The following GPR160 variants were observed in gnomAD, a reference collection of about 807,000 sequenced individuals.
The protein encoded by GPR160 is G protein-coupled receptor 160.
A neutral mutation model predicts 2.6 loss-of-function variants in GPR160; 2 were observed. That is an observed-to-expected ratio of 0.77 (90% CI 0.32 to 2.44). GPR160 has a LOEUF of 2.44. Among genes scored for constraint, GPR160 ranks in the 30% most tolerant of loss-of-function variants. The pLI is 0.11. For synonymous variants in GPR160, 130 were observed against 132.2 expected, an observed-to-expected ratio of 0.98 and a Z score of 0.12; for missense variants, 351 against 383.6, an observed-to-expected ratio of 0.91 and a Z score of 0.71.
intron 2 of GPR160, among the ~76,000 whole-genome samples, chr3:170,053,360 CTTATTT>C (rs1488991724): frequency 6.6e-6 from 1 of 151,850 alleles, no homozygotes; most frequent in African/African-American, 2.4e-5. Context: ...CAAATTTATT[CTTATTT>C]TATGTTTTTG....
chr3:170,081,434 T>C (rs1183610372), intron 3 of GPR160, among the ~76,000 whole-genome samples: 1 of 152,184 alleles, frequency 6.6e-6, no homozygotes, highest in Non-Finnish European at 1.5e-5. Flanking sequence ...GTTATGAAAA[T>C]AGATTTTGTA....
rs1347672827 is a variant in GPR160, at chr3:170,080,873, G to T, written c.-69+976G>T. On this transcript the variant is annotated intron_variant, in intron 3 of 3. Coordinates refer to ENST00000355897, the MANE Select transcript of GPR160 (RefSeq NM_014373.3). ...CCACCACCACACCCGAGTAATTTTT[G>T]TATTTTTTGTAGAGACTAGGTTTCA... is the stretch of plus-strand genomic sequence containing the variant. 3.3e-5 allele frequency among the ~76,000 whole-genome samples: 5 copies of T among 152,144 alleles called. No homozygotes were observed. In the East Asian group the frequency reaches 9.7e-4, roughly 29 times the overall value.
intron 2 of GPR160, among the ~76,000 whole-genome samples, chr3:170,061,441 T>C (rs574323734): frequency 6.6e-6 from 1 of 152,174 alleles, no homozygotes; most frequent in Non-Finnish European, 1.5e-5. Flanking sequence ...TTAGATACTA[T>C]ACCATTTAAT....
chr3:170,050,638 T>C (rs1716917037), intron 2 of GPR160, among the ~76,000 whole-genome samples: 1 of 152,204 alleles, frequency 6.6e-6, no homozygotes, highest in African/African-American at 2.4e-5. Flanking sequence ...TAGCCCCAGA[T>C]AGCCATTGAA....
chr3:170,054,788 ATTTCT>A (rs1220009002), intron 2 of GPR160, among the ~76,000 whole-genome samples: 1 of 149,396 alleles, frequency 6.7e-6, no homozygotes. Context: ...ATGTATCAGA[ATTTCT>A]TTTCTTTTTT....
chr3:170,061,419 A>G (rs1249642644), intron 2 of GPR160, among the ~76,000 whole-genome samples: 1 of 152,128 alleles, frequency 6.6e-6, no homozygotes, highest in African/African-American at 2.4e-5. Context: ...CAGTTTTAAT[A>G]TGGACTATGT....
chr3:170,084,706 TTGTC>T lies in GPR160; in HGVS notation c.738_741del (p.Cys247PhefsTer13), dbSNP rs773645860. 2 of 1,612,684 alleles carry T rather than the reference TTGTC, an allele frequency of 1.2e-6. No individual in the cohort carries two copies. The highest frequency in any genetic ancestry group is 1.1e-5 in the South Asian group (1 of 91,048). ...AAAAAAATATTCTTATCCAAGCTCA[TTGTC>T]TGTTTTCTCAGTACCTGGTTACCAT... On this transcript the variant is annotated frameshift_variant, in exon 4 of 4. Transcript: ENST00000355897. LOFTEE classifies it high-confidence loss of function.
intron 2 of GPR160, among the ~76,000 whole-genome samples, chr3:170,042,433 AAAAG>A (rs966601083): frequency 3.3e-5 from 5 of 150,978 alleles, no homozygotes; most frequent in Non-Finnish European, 5.9e-5. Context: ...AAAAAAAAAA[AAAAG>A]AAAGAAAGAA....
At chr3:170,045,220 G>A (rs990069543) in intron 2 of GPR160, among the ~76,000 whole-genome samples, 37 of 151,630 alleles carry the variant, frequency 2.4e-4, no homozygotes, top group African/African-American at 7.8e-4. Flanking sequence ...GTGTGTAAAC[G>A]GACATGGAAT....
At chr3:170,065,973 A>T (rs186185455) in intron 2 of GPR160, among the ~76,000 whole-genome samples, 1 of 151,594 alleles carries the variant, frequency 6.6e-6, no homozygotes, top group Admixed American at 6.6e-5. Flanking sequence ...CCCAGACTAT[A>T]CTCAAACTAC....
intron 2 of GPR160, among the ~76,000 whole-genome samples, chr3:170,045,774 T>A (rs1716694962): frequency 6.6e-6 from 1 of 152,176 alleles, no homozygotes; most frequent in Middle Eastern, 3.4e-3. Context: ...GTGGGTTAAT[T>A]GGTTATTAGC....
At chr3:170,076,607 A>G (rs1712862946) in intron 2 of GPR160, among the ~76,000 whole-genome samples, 1 of 151,740 alleles carries the variant, frequency 6.6e-6, no homozygotes. Flanking sequence ...GTAGTGGTGC[A>G]ATCTCGGCTC....
intron 2 of GPR160, among the ~76,000 whole-genome samples, chr3:170,041,440 T>C (rs1019106418): frequency 2.6e-5 from 4 of 151,898 alleles, no homozygotes; most frequent in African/African-American, 9.7e-5. Flanking sequence ...CAGCTGGGAC[T>C]ACAGGCGCCC....
intron 2 of GPR160, among the ~76,000 whole-genome samples, chr3:170,055,094 A>T (rs1711566844): frequency 6.6e-6 from 1 of 152,214 alleles, no homozygotes; most frequent in East Asian, 1.9e-4. Context: ...GTGCCCGGCC[A>T]GGATTTCATT....
intron 2 of GPR160, among the ~76,000 whole-genome samples, chr3:170,056,399 G>A (rs1404365646): frequency 6.6e-6 from 1 of 152,198 alleles, no homozygotes; most frequent in African/African-American, 2.4e-5. Context: ...TACGGATCTG[G>A]AGGAAGCAGG....
At chr3:170,045,443 A>AAAAAAAAAAAAAAAAAC (rs1559981277) in intron 2 of GPR160, among the ~76,000 whole-genome samples, 2 of 131,472 alleles carry the variant, frequency 1.5e-5, no homozygotes, top group African/African-American at 6.9e-5. Context: ...AAAAAAAAAA[A>AAAAAAAAAAAAAAAAAC]AAAACCAATT....
intron 2 of GPR160, among the ~76,000 whole-genome samples, chr3:170,067,783 T>C (rs1205310491): frequency 6.6e-6 from 1 of 152,230 alleles, no homozygotes; most frequent in Admixed American, 6.5e-5. Flanking sequence ...GGGATGTGTT[T>C]TTTTACTCTC....
At chr3:170,062,973 G>T in intron 2 of GPR160, 1 of 249,612 alleles carries the variant, frequency 4.0e-6, no homozygotes, top group Non-Finnish European at 7.7e-6. Flanking sequence ...CTCCATGGTG[G>T]ATCTCCGTGG....
chr3:170,052,662 G>A (rs1019107069), intron 2 of GPR160, among the ~76,000 whole-genome samples: 1 of 152,148 alleles, frequency 6.6e-6, no homozygotes, highest in African/African-American at 2.4e-5. Flanking sequence ...TAGATGTGTT[G>A]TAAGCATTTT....
Sources: gnomAD v4.1 joint callset for allele counts (sites outside exome capture counted in the v4.1 genomes callset) on GRCh38, gnomAD v4.1.1 for gene constraint, MANE v1.5 for transcripts, NCBI Gene and HGNC (gene_info 2026-07-23, HGNC 2026-07-21) for gene names.